Variants in PSD3 observed in about 807,000 individuals in gnomAD.
The protein encoded by PSD3 is pleckstrin and Sec7 domain containing 3, also known as PH and SEC7 domain-containing protein 3.
In PSD3, 49 loss-of-function variants were observed where a neutral mutation model predicts 105.5. That is an observed-to-expected ratio of 0.46 (90% CI 0.37 to 0.59). The LOEUF is 0.59. PSD3 is among the 20% of genes least tolerant of loss of function. The pLI is 0.00. For synonymous variants in PSD3, 557 were observed against 457.8 expected, an observed-to-expected ratio of 1.22 and a Z score of -2.77; for missense variants, 1,561 against 1,263.8, an observed-to-expected ratio of 1.24 and a Z score of -3.57.
chr8:18,666,425 A>G (rs1022403871), intron 9 of PSD3, among the ~76,000 whole-genome samples: 1 of 152,176 alleles, frequency 6.6e-6, no homozygotes, highest in African/African-American at 2.4e-5. Flanking sequence ...TATTTGTTTT[A>G]TTGCTGTGGT....
intron 14 of PSD3, 50 bp from the exon 15 acceptor site, chr8:18,556,402 T>A: frequency 6.4e-7 from 1 of 1,557,850 alleles, no homozygotes. Context: ...AACAAGTCAA[T>A]AACAAAGCAC....
At chr8:19,078,016 A>C (rs1296609439) in intron 1 of PSD3, among the ~76,000 whole-genome samples, 1 of 152,166 alleles carries the variant, frequency 6.6e-6, no homozygotes, top group Non-Finnish European at 1.5e-5. Flanking sequence ...TATAGTCTAT[A>C]AATCTACAAG....
At chr8:18,581,312 G>T (rs763050111) in intron 12 of PSD3, among the ~76,000 whole-genome samples, 1 of 151,940 alleles carries the variant, frequency 6.6e-6, no homozygotes, top group African/African-American at 2.4e-5. Flanking sequence ...TTCCATGAAC[G>T]CTTCACATTC....
chr8:18,534,209 T>G lies in PSD3; in HGVS notation c.*1534A>C, dbSNP rs1799741489. On this transcript the variant is annotated 3_prime_UTR_variant, in exon 16 of 16. Coordinates refer to ENST00000327040, the MANE Select transcript of PSD3 (RefSeq NM_015310.4). ...ACCTTCAACAAATAAACTATAGAAC[T>G]AGAGAAACTTTCTAAGGGAGGAAAA... The G allele has an allele frequency of 6.6e-6, 1 of 152,484 alleles. No homozygotes were observed. Among genetic ancestry groups the G allele is most frequent in the African/African-American group, 2.4e-5 (1 of 41,418 alleles). The allele number at this position is 152,484 out of a possible 1,614,324, so 9.4% of individuals were successfully genotyped here.
intron 1 of PSD3, among the ~76,000 whole-genome samples, chr8:18,971,663 T>G (rs1248498041): frequency 6.6e-6 from 1 of 152,122 alleles, no homozygotes; most frequent in Non-Finnish European, 1.5e-5. Flanking sequence ...AATTCTGCCA[T>G]GGAGGGATGT....
intron 1 of PSD3, among the ~76,000 whole-genome samples, chr8:19,034,479 G>C (rs751949999): frequency 1.3e-5 from 2 of 152,172 alleles, no homozygotes; most frequent in Non-Finnish European, 2.9e-5. Context: ...CCAGAGAAGT[G>C]AGTCACTGCC....
intron 1 of PSD3, among the ~76,000 whole-genome samples, chr8:18,948,812 C>G (rs949350918): frequency 6.6e-6 from 1 of 151,982 alleles, no homozygotes; most frequent in Non-Finnish European, 1.5e-5. Context: ...TAATTTGTCA[C>G]TTTGACAAAG....
intron 1 of PSD3, among the ~76,000 whole-genome samples, chr8:18,946,656 T>C (rs1366318939): frequency 1.3e-5 from 2 of 151,846 alleles, no homozygotes; most frequent in African/African-American, 2.4e-5. Flanking sequence ...TCCTAGCATT[T>C]TGGGAGGCCG....
chr8:18,601,473 A>T (rs901280822), intron 11 of PSD3, among the ~76,000 whole-genome samples: 1 of 152,186 alleles, frequency 6.6e-6, no homozygotes, highest in African/African-American at 2.4e-5. Context: ...AAATCCTTTA[A>T]ATCTCTTTTG....
At chr8:18,962,564 A>G (rs936618222) in intron 1 of PSD3, among the ~76,000 whole-genome samples, 3 of 152,194 alleles carry the variant, frequency 2.0e-5, no homozygotes, top group African/African-American at 7.2e-5. Context: ...TTTACAAAGT[A>G]AAAAGATCAG....
intron 1 of PSD3, among the ~76,000 whole-genome samples, chr8:18,977,245 A>G (rs10435707): frequency 0.82 from 118,919 of 144,932 alleles, 49,063 homozygotes; most frequent in Middle Eastern, 0.92. Context: ...GGGCAACAGA[A>G]CAACACCCTA....
intron 11 of PSD3, among the ~76,000 whole-genome samples, chr8:18,602,563 A>G (rs1238824834): frequency 2.0e-5 from 3 of 152,158 alleles, no homozygotes; most frequent in Admixed American, 6.5e-5. Flanking sequence ...AACGGTATTT[A>G]GTTGGTGTGC....
At chr8:19,026,891 A>G (rs1017199118) in intron 1 of PSD3, among the ~76,000 whole-genome samples, 11 of 151,534 alleles carry the variant, frequency 7.3e-5, no homozygotes, top group Non-Finnish European at 1.3e-4. Context: ...AAAAATATAT[A>G]TATATACAAA....
chr8:19,002,745 A>G (rs753371290), intron 1 of PSD3, among the ~76,000 whole-genome samples: 11 of 152,074 alleles, frequency 7.2e-5, no homozygotes, highest in Admixed American at 1.3e-4. Context: ...ATGTCCATAC[A>G]TGTTCAGACA....
chr8:19,067,885 T>C (rs1401131888), intron 1 of PSD3, among the ~76,000 whole-genome samples: 1 of 152,200 alleles, frequency 6.6e-6, no homozygotes, highest in Non-Finnish European at 1.5e-5. Flanking sequence ...ATGCACTCTA[T>C]CTTTTCAGCT....
intron 1 of PSD3, among the ~76,000 whole-genome samples, chr8:18,948,004 A>C (rs1822973719): frequency 2.6e-5 from 4 of 152,240 alleles, no homozygotes; most frequent in Admixed American, 2.0e-4. Context: ...AAGAATTTGA[A>C]GAAAATTAAC....
intron 1 of PSD3, among the ~76,000 whole-genome samples, chr8:19,012,203 A>C (rs1826982227): frequency 6.6e-6 from 1 of 152,230 alleles, no homozygotes; most frequent in African/African-American, 2.4e-5. Context: ...TTAATGAAAT[A>C]TCTTACAAGA....
At position 18,813,105 on chromosome 8, in the gene PSD3, A is replaced by G. The variant is rs553251024; in HGVS notation, c.1635-8207T>C. ...AATATGAAGGAAAAGCCTCCTCCGAAAGCTATTTAGAAGGTAAAATGGAAG... is the reference window on the plus strand; with the variant it reads ...AATATGAAGGAAAAGCCTCCTCCGAGAGCTATTTAGAAGGTAAAATGGAAG... On this transcript the variant is annotated intron_variant, in intron 4 of 15. Transcript: ENST00000327040. Among the ~76,000 whole-genome samples, 9 of 152,268 alleles carry G rather than the reference A, an allele frequency of 5.9e-5. No individual in the cohort carries two copies. The East Asian group carries it at 1.5e-3, about 26-fold the overall frequency.
intron 1 of PSD3, among the ~76,000 whole-genome samples, chr8:19,076,604 T>C (rs377336359): frequency 2.0e-4 from 30 of 152,394 alleles, no homozygotes; most frequent in African/African-American, 7.2e-4. Context: ...AATTATGTTA[T>C]GTGTATGATG....
Sources: allele counts gnomAD v4.1 joint callset (sites outside exome capture counted in the v4.1 genomes callset), GRCh38; gene constraint gnomAD v4.1.1; transcripts MANE v1.5; gene names NCBI Gene and HGNC (gene_info 2026-07-23, HGNC 2026-07-21).